Variants in SP140L observed in about 807,000 individuals in gnomAD.
SP140L encodes the protein SP140 like nuclear body protein, also known as nuclear body protein SP140-like protein.
SP140L carries 64 observed loss-of-function variants against 84.3 expected under a neutral mutation model. The ratio of observed to expected loss-of-function variants is 0.76; its 90% CI spans 0.62 to 0.94. The LOEUF (loss-of-function observed/expected upper bound fraction) is 0.94, where lower values mean the gene tolerates loss of function less well. SP140L is among the 40% of genes least tolerant of loss of function. The pLI, the probability that SP140L is intolerant of heterozygous loss-of-function variation, is 0.00. For missense variants in SP140L, 628 were observed against 692.5 expected (o/e 0.91, Z 1.05); for synonymous variants, 242 against 236.9 (o/e 1.02, Z -0.20).
chr2:230,400,657 C>A (rs1379973942), intron 15 of SP140L: 1 of 584,988 alleles, frequency 1.7e-6, no homozygotes, highest in Non-Finnish European at 3.0e-6. Context: ...CAGTTTCTGA[C>A]ACACAGGCCT....
intron 14 of SP140L, among the ~76,000 whole-genome samples, chr2:230,399,588 C>A (rs568206681): frequency 6.6e-6 from 1 of 152,188 alleles, no homozygotes; most frequent in Non-Finnish European, 1.5e-5. Context: ...TGGTCCTTCC[C>A]CCTCAAAGGT....
chr2:230,366,721 A>ATTATTC (rs2060885381), intron 5 of SP140L, among the ~76,000 whole-genome samples: 1 of 122,644 alleles, frequency 8.2e-6, no homozygotes, highest in African/African-American at 2.6e-5. Flanking sequence ...TATTATTATT[A>ATTATTC]TTATTATTAT....
At chr2:230,382,083 G>A (rs539501526) in intron 7 of SP140L, among the ~76,000 whole-genome samples, 1 of 152,268 alleles carries the variant, frequency 6.6e-6, no homozygotes, top group African/African-American at 2.4e-5. Flanking sequence ...CTGGGGAGAG[G>A]TGGGCATGTG....
chr2:230,392,842 G>A (rs552654406), intron 12 of SP140L, among the ~76,000 whole-genome samples: 18 of 152,202 alleles, frequency 1.2e-4, no homozygotes, highest in Non-Finnish European at 2.5e-4. Flanking sequence ...CCTATACTCA[G>A]TCTAGAATGC....
At chr2:230,383,285 G>A (rs2061466682) in intron 7 of SP140L, among the ~76,000 whole-genome samples, 1 of 152,152 alleles carries the variant, frequency 6.6e-6, no homozygotes, top group African/African-American at 2.4e-5. Context: ...TGTTTCAAAG[G>A]AAGGTCATCT....
intron 2 of SP140L, among the ~76,000 whole-genome samples, chr2:230,329,763 C>T (rs1448985141): frequency 1.3e-5 from 2 of 152,148 alleles, no homozygotes; most frequent in African/African-American, 2.4e-5. Flanking sequence ...ATAAATTACC[C>T]AGTCTGGGGT....
At chr2:230,380,650 C>T (rs12694856) in intron 7 of SP140L, among the ~76,000 whole-genome samples, 34,976 of 152,110 alleles carry the variant, frequency 0.23, 4,251 homozygotes, top group Non-Finnish European at 0.28. Flanking sequence ...CACCCACTAC[C>T]TATCAGGGCA....
rs1278647857 is a variant in SP140L at position 230,403,545 on chromosome 2, C to T, written c.*649C>T. On this transcript the variant is annotated 3_prime_UTR_variant, in exon 19 of 19. Transcript: ENST00000415673. The stretch of plus-strand genomic sequence containing the variant: ...ATCTGAAAACCAGCCAAGCTTTATT[C>T]ACGACACACTTCTTCCCTTCACTCT... The T allele has an allele frequency of 6.6e-6, 1 of 152,284 alleles. No individual in the cohort carries two copies. Among genetic ancestry groups the T allele is most frequent in the Non-Finnish European group, 1.5e-5 (1 of 68,166 alleles). The allele number at this position is 152,284 out of a possible 1,614,324, so 9.4% of individuals were successfully genotyped here.
chr2:230,337,084 G>A (rs2059902665), intron 2 of SP140L, among the ~76,000 whole-genome samples: 1 of 152,178 alleles, frequency 6.6e-6, no homozygotes, highest in Admixed American at 6.5e-5. Flanking sequence ...CTTCCACAAT[G>A]GTTGAACTAG....
chr2:230,401,551 G>A (rs897178625), intron 17 of SP140L, 108 bp downstream of exon 17: 7 of 1,038,444 alleles, frequency 6.7e-6, no homozygotes, highest in African/African-American at 5.9e-5. Flanking sequence ...AAGAGCACAC[G>A]CTGTCATTAG....
chr2:230,346,962 T>C (rs1404222508), intron 2 of SP140L, among the ~76,000 whole-genome samples: 1 of 152,234 alleles, frequency 6.6e-6, no homozygotes, highest in East Asian at 1.9e-4. Flanking sequence ...CCTTGTATCC[T>C]CACATTAGTG....
intron 2 of SP140L, among the ~76,000 whole-genome samples, chr2:230,355,768 A>G (rs112311903): frequency 0.024 from 3,607 of 152,274 alleles, 146 homozygotes; most frequent in African/African-American, 0.082. Context: ...TTGGAGTGGC[A>G]AATTCTTCTT....
Position 230,357,931 on chromosome 2 carries a change from C to T in SP140L, c.234C>T (p.Leu78=). The change falls in exon 3 of 19, where the codon CTC becomes CTT. Residue 78 remains leucine, a synonymous_variant. Transcript: ENST00000415673. ...AGACATTTCCATTCCTTGAGGGCCT[C>T]CGCGATCGGGAACTCATCACAAATA... ...IKKTFPFLEG[L]RDRELITNKM... is the part of the protein sequence containing the mutation. 1 of 1,613,972 alleles carries T rather than the reference C, an allele frequency of 6.2e-7. No homozygotes were observed. The highest frequency in any genetic ancestry group is 1.1e-5 in the South Asian group (1 of 91,076).
intron 13 of SP140L, among the ~76,000 whole-genome samples, chr2:230,396,490 T>C (rs1372506654): frequency 6.6e-6 from 1 of 152,240 alleles, no homozygotes; most frequent in African/African-American, 2.4e-5. Context: ...TGGATTATCA[T>C]GGAAAGATGC....
intron 1 of SP140L, among the ~76,000 whole-genome samples, chr2:230,328,068 A>G (rs937227260): frequency 6.6e-6 from 1 of 152,010 alleles, no homozygotes; most frequent in African/African-American, 2.4e-5. Flanking sequence ...ATTTTATTTC[A>G]TTTTTTTGAG....
In SP140L at chr2:230,370,972, G is replaced by T; in HGVS notation, c.583+5G>T. 6.2e-7 allele frequency: 1 copy of T among 1,613,518 alleles called. No individual in the cohort carries two copies. The highest frequency in any genetic ancestry group is 8.5e-7 in the Non-Finnish European group (1 of 1,179,638). ...ACCAAGCATGTGGCAAAATGGGTAA[G>T]GCTGCCTGAGGGCTGTGGGATGGGG... On this transcript the variant is annotated splice_donor_5th_base_variant and intron_variant, in intron 6 of 18. Transcript: ENST00000415673.
rs550850889 is a variant in SP140L, at chr2:230,363,867, A to T, written c.523+2170A>T. On this transcript the variant is annotated intron_variant, in intron 5 of 18. Coordinates refer to ENST00000415673, the MANE Select transcript of SP140L (RefSeq NM_138402.6). ...TTTAATATGGCATGAAATAGGGTCT[A>T]ATTTCATTCTTCTGCACGTGAAGAT... Among the ~76,000 whole-genome samples the T allele has an allele frequency of 1.4e-3, 219 of 152,102 alleles. 1 individual carries two copies. Among genetic ancestry groups the T allele is most frequent in the Non-Finnish European group, 2.4e-3 (165 of 67,998 alleles).
At chr2:230,364,245 G>C (rs1264415078) in intron 5 of SP140L, among the ~76,000 whole-genome samples, 2 of 152,052 alleles carry the variant, frequency 1.3e-5, no homozygotes, top group Non-Finnish European at 2.9e-5. Context: ...TTAGAGCACT[G>C]TGGATAGTAT....
rs757015309 is a variant in SP140L, at chr2:230,400,286, T to C, written c.1313+44T>C. 2.5e-5 allele frequency: 39 copies of C among 1,585,410 alleles called. No homozygotes were observed. The African/African-American group carries it at 4.8e-4, about 20-fold the overall frequency. ...CCTCTCTTTCATCCTTTAAGGGACC[T>C]TCCACCTGCCATGCGCACTCTCCAG... On this transcript the variant is annotated intron_variant, in intron 15 of 18. Transcript: ENST00000415673.
Sources: gnomAD v4.1 joint callset for allele counts (sites outside exome capture counted in the v4.1 genomes callset) on GRCh38, gnomAD v4.1.1 for gene constraint, MANE v1.5 for transcripts, NCBI Gene and HGNC (gene_info 2026-07-23, HGNC 2026-07-21) for gene names.